The following KLF12 variants were observed in gnomAD, a reference collection of about 807,000 sequenced individuals.
KLF12 encodes the protein KLF transcription factor 12.
Under a neutral mutation model 37.8 loss-of-function variants are expected in KLF12, and 9 were observed. The observed-to-expected ratio is 0.24, with a 90% CI of 0.14 to 0.42. The LOEUF (loss-of-function observed/expected upper bound fraction) is 0.42. Ranked by LOEUF, KLF12 falls within the 10% of genes least tolerant of loss-of-function variation. KLF12 has a pLI of 1.00. For missense variants in KLF12, 411 were observed against 516.0 expected (o/e 0.80, Z 1.97); for synonymous variants, 208 against 202.1 (o/e 1.03, Z -0.25).
chr13:73,927,664 C>A (rs986217445), intron 3 of KLF12, among the ~76,000 whole-genome samples: 2 of 151,926 alleles, frequency 1.3e-5, no homozygotes, highest in Non-Finnish European at 2.9e-5. Flanking sequence ...GCAACCTCCA[C>A]CTCCTGGAGT....
the KLF12 span, among the ~76,000 whole-genome samples, chr13:74,181,249 C>T: frequency 5.3e-5 from 8 of 151,638 alleles, no homozygotes; most frequent in South Asian, 4.2e-4. Flanking sequence ...CCACCCGCTT[C>T]GGCTTCCCAA....
intron 3 of KLF12, among the ~76,000 whole-genome samples, chr13:73,863,757 G>A (rs1305675079): frequency 6.6e-6 from 1 of 152,032 alleles, no homozygotes; most frequent in East Asian, 1.9e-4. Flanking sequence ...TAAACTTCTG[G>A]GGCCATACAT....
At position 74,133,796 on chromosome 13, in the gene KLF12, C is replaced by CTCTCTCTCTCCCTT. The variant is rs528366400; in HGVS notation, c.-103_-90dup. 9.8e-3 allele frequency among the ~76,000 whole-genome samples: 1,442 copies of CTCTCTCTCTCCCTT among 146,954 alleles called. 12 individuals carry two copies. The highest frequency in any genetic ancestry group is 0.014 in the Non-Finnish European group (915 of 66,676). Reference sequence around the variant, plus strand: ...TTTCTTTCCCTCACACAGAGTCCCCCTCTCTCTCTCCCTTTCTCTCTCTCA... The same window carrying CTCTCTCTCTCCCTT: ...TTTCTTTCCCTCACACAGAGTCCCCCTCTCTCTCTCCCTTTCTCTCTCTCCCTTTCTCTCTCTCA... On this transcript the variant is annotated 5_prime_UTR_variant, in exon 1 of 8. Transcript: ENST00000377669.
intron 5 of KLF12, among the ~76,000 whole-genome samples, chr13:73,787,301 T>C (rs1156502243): frequency 2.6e-5 from 4 of 152,176 alleles, no homozygotes; most frequent in Admixed American, 6.5e-5. Flanking sequence ...TTATGAATGA[T>C]GGAACAAGTT....
chr13:74,286,153 C>A, the KLF12 span, among the ~76,000 whole-genome samples: 1 of 152,200 alleles, frequency 6.6e-6, no homozygotes, highest in Admixed American at 6.5e-5. Flanking sequence ...CATTTTACCT[C>A]TTCTTTTTTT....
At chr13:73,714,883 C>A (rs1360027052) in intron 7 of KLF12, among the ~76,000 whole-genome samples, 1 of 152,176 alleles carries the variant, frequency 6.6e-6, no homozygotes, top group African/African-American at 2.4e-5. Flanking sequence ...TGTGAATCAA[C>A]TGGAGTTATG....
At chr13:74,115,982 G>T (rs913112826) in intron 1 of KLF12, among the ~76,000 whole-genome samples, 11 of 152,088 alleles carry the variant, frequency 7.2e-5, no homozygotes, top group African/African-American at 1.4e-4. Flanking sequence ...ATTCACACGT[G>T]GGTATATCTT....
At chr13:73,759,440 G>A (rs1879402156) in intron 6 of KLF12, among the ~76,000 whole-genome samples, 1 of 152,090 alleles carries the variant, frequency 6.6e-6, no homozygotes, top group Non-Finnish European at 1.5e-5. Flanking sequence ...AAACATTTTG[G>A]CAGGGAGTAA....
intron 1 of KLF12, among the ~76,000 whole-genome samples, chr13:74,095,290 T>C (rs1398167532): frequency 1.3e-5 from 2 of 152,218 alleles, no homozygotes; most frequent in Non-Finnish European, 2.9e-5. Context: ...TATAATTATA[T>C]TCAGTGAAAC....
At chr13:73,767,350 C>G (rs979890965) in intron 5 of KLF12, among the ~76,000 whole-genome samples, 6 of 152,166 alleles carry the variant, frequency 3.9e-5, no homozygotes, top group Admixed American at 1.3e-4. Context: ...GCACCTGCAT[C>G]TAGGCAGGAA....
the KLF12 span, among the ~76,000 whole-genome samples, chr13:74,187,073 C>T: frequency 3.9e-4 from 60 of 152,178 alleles, no homozygotes; most frequent in Non-Finnish European, 7.5e-4. Context: ...CTGATTCATA[C>T]GCTTCCTTCT....
At chr13:74,252,977 G>GTCTATCTA in the KLF12 span, among the ~76,000 whole-genome samples, 146 of 147,320 alleles carry the variant, frequency 9.9e-4, no homozygotes, top group Middle Eastern at 3.4e-3. Flanking sequence ...TCTGTCATCT[G>GTCTATCTA]TCTATCTATC....
intron 5 of KLF12, chr13:73,802,051 A>T (rs2138349371): frequency 6.6e-6 from 1 of 152,238 alleles, no homozygotes; most frequent in Non-Finnish European, 1.5e-5. Flanking sequence ...TAAAAAAAAA[A>T]GTCTGTTTAT....
chr13:73,926,190 G>T (rs1433046719), intron 3 of KLF12, among the ~76,000 whole-genome samples: 1 of 152,180 alleles, frequency 6.6e-6, no homozygotes, highest in African/African-American at 2.4e-5. Flanking sequence ...GCATGCTACA[G>T]AGAAATCTTT....
At chr13:73,867,966 A>C (rs1249626222) in intron 3 of KLF12, among the ~76,000 whole-genome samples, 1 of 150,906 alleles carries the variant, frequency 6.6e-6, no homozygotes. Context: ...GGTTGCAGTG[A>C]GCCAAGATTG....
chr13:74,224,111 G>A, the KLF12 span, among the ~76,000 whole-genome samples: 1 of 152,068 alleles, frequency 6.6e-6, no homozygotes, highest in East Asian at 1.9e-4. Flanking sequence ...TCCTTCATAA[G>A]GATGATATCA....
chr13:73,872,584 T>C (rs1397022627), intron 3 of KLF12, among the ~76,000 whole-genome samples: 2 of 152,116 alleles, frequency 1.3e-5, no homozygotes, highest in African/African-American at 4.8e-5. Flanking sequence ...AAGACTCCAC[T>C]AATGAGAAGG....
chr13:74,116,990 C>T (rs1247140877), intron 1 of KLF12, among the ~76,000 whole-genome samples: 2 of 152,176 alleles, frequency 1.3e-5, no homozygotes, highest in East Asian at 1.9e-4. Flanking sequence ...CTACTCTTAT[C>T]GCAACATAAG....
chr13:73,976,970 G>A lies in KLF12; in HGVS notation c.33+18020C>T, dbSNP rs529075212. On this transcript the variant is annotated intron_variant, in intron 2 of 7. Coordinates refer to ENST00000377669, the MANE Select transcript of KLF12 (RefSeq NM_007249.5). The stretch of plus-strand genomic sequence containing the variant: ...TGGCCAAGCAAAAATCAGTAAGGTC[G>A]CAGAAATTTTAAGAAAAGTAAGTGA... Among the ~76,000 whole-genome samples the A allele has an allele frequency of 1.2e-3, 180 of 151,908 alleles. 2 individuals carry two copies. The highest frequency in any genetic ancestry group is 4.1e-3 in the African/African-American group (171 of 41,434).
Sources: allele counts gnomAD v4.1 joint callset (sites outside exome capture counted in the v4.1 genomes callset), GRCh38; gene constraint gnomAD v4.1.1; transcripts MANE v1.5; gene names NCBI Gene and HGNC (gene_info 2026-07-23, HGNC 2026-07-21).